DPH1: variants seen among roughly 807,000 people sequenced by gnomAD.
The protein encoded by DPH1 is 2-(3-amino-3-carboxypropyl)histidine synthase subunit 1.
DPH1 carries 59 observed loss-of-function variants against 55.3 expected under a neutral mutation model. The ratio of observed to expected loss-of-function variants is 1.07; its 90% CI spans 0.87 to 1.33. The LOEUF (loss-of-function observed/expected upper bound fraction) is 1.33. Ranked by LOEUF, DPH1 falls within the 40% of genes most tolerant of loss-of-function variation. The probability of loss-of-function intolerance (pLI) is 0.00; values close to 1 mark genes in which losing one functional copy is unlikely to be tolerated. For synonymous variants in DPH1, 238 were observed against 235.5 expected, an observed-to-expected ratio of 1.01 and a Z score of -0.10; for missense variants, 628 against 584.8, an observed-to-expected ratio of 1.07 and a Z score of -0.76.
chr17:2,033,614 C>T lies in DPH1; in HGVS notation c.171C>T (p.Ile57=). ...RVLPSNYNFE[I]PKTIWRIQQA... ...TGCCTTCCAACTACAACTTTGAGATCCCCAAGACCATCTGGAGGATCCAAC... is the reference window on the plus strand; with the variant it reads ...TGCCTTCCAACTACAACTTTGAGATTCCCAAGACCATCTGGAGGATCCAAC... Residue 57 remains isoleucine (I), a synonymous_variant, in exon 2 of 13, where the codon ATC becomes ATT. Coordinates refer to ENST00000263083, the MANE Select transcript of DPH1 (RefSeq NM_001383.6). 2 of 1,614,224 alleles carry T rather than the reference C, an allele frequency of 1.2e-6. No individual in the cohort carries two copies. The highest frequency in any genetic ancestry group is 1.7e-6 in the Non-Finnish European group (2 of 1,180,040).
At position 2,040,488 on chromosome 17, in the gene DPH1, C is replaced by T. The variant is rs2067500095; in HGVS notation, c.907-17C>T. The T allele has an allele frequency of 6.2e-7, 1 of 1,614,016 alleles. No individual in the cohort carries two copies. Among genetic ancestry groups the T allele is most frequent in the Non-Finnish European group, 8.5e-7 (1 of 1,180,020 alleles). On this transcript the variant is annotated splice_polypyrimidine_tract_variant and intron_variant, in intron 8 of 12. Transcript: ENST00000263083. ...GCTTGACCAGGTGACCCCCACCCTG[C>T]CTCCCTCTCCCAACAGCACCTGGAA... is the stretch of plus-strand genomic sequence containing the variant.
At chr17:2,041,253 G>C in intron 10 of DPH1, 72 bp downstream of exon 10, 1 of 1,536,944 alleles carries the variant, frequency 6.5e-7, no homozygotes, top group Non-Finnish European at 8.8e-7. Flanking sequence ...GTGGAGTGGG[G>C]TGGGTGGGCA....
chr17:2,034,264 G>A (rs575687482), intron 3 of DPH1, among the ~76,000 whole-genome samples: 1 of 152,138 alleles, frequency 6.6e-6, no homozygotes, highest in East Asian at 1.9e-4. Flanking sequence ...GCAAGGATGG[G>A]TTTGGAGTGG....
intron 12 of DPH1, 135 bp from the exon 13 acceptor site, chr17:2,042,456 ACTCATTTCCCCCCT>A (rs893225461): frequency 9.6e-5 from 120 of 1,253,024 alleles, no homozygotes; most frequent in African/African-American, 4.8e-4. Flanking sequence ...AGGCCAATCC[ACTCATTTCCCCCCT>A]CTCATTTCCC....
In DPH1 at chr17:2,043,265, G is replaced by A. The variant is rs574513159; in HGVS notation, c.*679G>A. On this transcript the variant is annotated 3_prime_UTR_variant, in exon 13 of 13. Coordinates refer to ENST00000263083, the MANE Select transcript of DPH1 (RefSeq NM_001383.6). ...TTGAGACCCAAATTATAAGGGCCCT[G>A]CCCTGTACTGAAGAAAAGGGGAGCA... 1.1e-4 allele frequency: 92 copies of A among 839,076 alleles called. No homozygotes were observed. The highest frequency in any genetic ancestry group is 1.5e-4 in the Non-Finnish European group (82 of 551,032). The allele number at this position is 839,076 out of a possible 1,614,324, so 52.0% of individuals were successfully genotyped here.
chr17:2,036,392 A>T lies in DPH1; in HGVS notation c.401-137A>T, dbSNP rs1567544691. 15 of 1,151,770 alleles carry T rather than the reference A, an allele frequency of 1.3e-5. No individual in the cohort carries two copies. Among genetic ancestry groups the T allele is most frequent in the Non-Finnish European group, 1.6e-5 (13 of 808,936 alleles). The allele number at this position is 1,151,770 out of a possible 1,614,324, so 71.3% of individuals were successfully genotyped here. ...AGAAGGAGCTTCTAGGGGATCTGTG[A>T]CCCCCCTCTTCTCCTACCCTGTCCT... is the stretch of plus-strand genomic sequence containing the variant. On this transcript the variant is annotated intron_variant, in intron 4 of 12. Transcript: ENST00000263083. This position sits in a 1 kb window ranked among gnomAD's most constrained non-coding sequence, Gnocchi z 4.8.
chr17:2,036,921 A>T lies in DPH1; in HGVS notation c.645A>T (p.Thr215=). 6.2e-7 allele frequency: 1 copy of T among 1,613,874 alleles called. No individual in the cohort carries two copies. Among genetic ancestry groups the T allele is most frequent in the Non-Finnish European group, 8.5e-7 (1 of 1,179,976 alleles). ...CCCCTGGAGAGATCCTGGGCTGCAC[A>T]TCCCCCCGACTGTCCAAAGAGGTGG... The part of the protein sequence containing the change: ...PLSPGEILGC[T]SPRLSKEVEA... The change falls in exon 6 of 13, where the codon ACA becomes ACT. Residue 215 remains threonine, a synonymous_variant. Coordinates refer to ENST00000263083, the MANE Select transcript of DPH1 (RefSeq NM_001383.6). This position sits in a 1 kb window ranked among gnomAD's most constrained non-coding sequence, Gnocchi z 4.8.
At position 2,041,869 on chromosome 17, in the gene DPH1, G is replaced by C. The variant is rs373755417; in HGVS notation, c.*12G>C. ...CGCTGGCTCCTTGACGCGCTCCCGG[G>C]CCTCAGGTATCAGCCCCCGCTCTGG... On this transcript the variant is annotated 3_prime_UTR_variant, in exon 12 of 13. Transcript: ENST00000263083. 76 of 1,582,342 alleles carry C rather than the reference G, an allele frequency of 4.8e-5. 2 individuals carry two copies. The African/African-American group carries it at 7.5e-4, about 16-fold the overall frequency.
chr17:2,041,594 C>G lies in DPH1; in HGVS notation c.1200C>G (p.His400Gln), dbSNP rs1260709072. ...ACCACGGCCAGGACCGCCGTCCCCA[C>G]GCCCCGGGCCGGCCCGCGCGGGGGA... is the stretch of plus-strand genomic sequence containing the variant. ...TVNHGQDRRPHAPGRPARGKV... is the reference protein window; with the variant it reads ...TVNHGQDRRPQAPGRPARGKV... Residue 400 changes from histidine to glutamine, a missense_variant, in exon 11 of 13, where the codon CAC becomes CAG. By Grantham distance (24) the His-to-Gln change is conservative. Coordinates refer to ENST00000263083, the MANE Select transcript of DPH1 (RefSeq NM_001383.6). 2 of 1,608,222 alleles carry G rather than the reference C, an allele frequency of 1.2e-6. No homozygotes were observed. The highest frequency in any genetic ancestry group is 2.2e-5 in the South Asian group (2 of 90,782).
In DPH1 at chr17:2,033,520, G is replaced by C. The variant is rs1384620464; in HGVS notation, c.77G>C (p.Gly26Ala). 6.2e-7 allele frequency: 1 copy of C among 1,613,994 alleles called. No homozygotes were observed. Among genetic ancestry groups the C allele is most frequent in the Non-Finnish European group, 8.5e-7 (1 of 1,180,054 alleles). ...DGPGRGRAPR[G>A]RVANQIPPEI... is the part of the protein sequence containing the mutation. ...TCCATTCTAGGTCGGGCCCCTCGGG[G>C]CCGCGTGGCCAATCAGATCCCCCCT... is the stretch of plus-strand genomic sequence containing the variant. The change falls in exon 2 of 13, where the codon GGC (glycine) becomes GCC (alanine). Residue 26 changes from glycine (G) to alanine (A), a missense_variant. Transcript: ENST00000263083.
chr17:2,042,216 G>C lies in DPH1; in HGVS notation c.*18+341G>C. The C allele has an allele frequency of 2.8e-6, 4 of 1,428,986 alleles. No homozygotes were observed. The highest frequency in any genetic ancestry group is 2.7e-6 in the Non-Finnish European group (3 of 1,099,040). The allele number at this position is 1,428,986 out of a possible 1,614,324, so 88.5% of individuals were successfully genotyped here. On this transcript the variant is annotated intron_variant, in intron 12 of 12. Coordinates refer to ENST00000263083, the MANE Select transcript of DPH1 (RefSeq NM_001383.6). ...CCCCGACCCCCCGGGCCCCGAGGGCGCCAGATCAGACTTCGGTGAGACAAG... is the reference window on the plus strand; with the variant it reads ...CCCCGACCCCCCGGGCCCCGAGGGCCCCAGATCAGACTTCGGTGAGACAAG...
In DPH1 at chr17:2,030,154, C is replaced by G; in HGVS notation, c.-16C>G. 3 of 1,600,960 alleles carry G rather than the reference C, an allele frequency of 1.9e-6. No homozygotes were observed. Among genetic ancestry groups the G allele is most frequent in the Non-Finnish European group, 2.6e-6 (3 of 1,174,784 alleles). On this transcript the variant is annotated 5_prime_UTR_variant, in exon 1 of 13. Transcript: ENST00000263083. ...TTCCAGCGCTGTCTTTTTAGTACCACATGCGCAGGCAGGTGATGGCGGCGC... is the reference window on the plus strand; with the variant it reads ...TTCCAGCGCTGTCTTTTTAGTACCAGATGCGCAGGCAGGTGATGGCGGCGC...
chr17:2,032,192 T>A (rs1272659891), intron 1 of DPH1, among the ~76,000 whole-genome samples: 1 of 152,154 alleles, frequency 6.6e-6, no homozygotes, highest in Admixed American at 6.5e-5. Flanking sequence ...AGCTCAAAAC[T>A]TCAAGGTGTC....
At position 2,042,114 on chromosome 17, in the gene DPH1, C is replaced by T. The variant is rs1181039559; in HGVS notation, c.*18+239C>T. The T allele has an allele frequency of 3.2e-6, 5 of 1,566,270 alleles. No homozygotes were observed. The South Asian group carries it at 4.6e-5, about 14-fold the overall frequency. ...CTTCCGGCAGAGCGAGCGGGGCTTC[C>T]GTGAGAAGACCGGGGCGCTGAGGAA... is the stretch of plus-strand genomic sequence containing the variant. On this transcript the variant is annotated intron_variant, in intron 12 of 12. Coordinates refer to ENST00000263083, the MANE Select transcript of DPH1 (RefSeq NM_001383.6).
rs2067575236 is a variant in DPH1 at position 2,043,057 on chromosome 17, C to T, written c.*471C>T. 2 of 1,614,002 alleles carry T rather than the reference C, an allele frequency of 1.2e-6. No homozygotes were observed. The highest frequency in any genetic ancestry group is 2.2e-5 in the South Asian group (2 of 91,084). On this transcript the variant is annotated 3_prime_UTR_variant, in exon 13 of 13. Coordinates refer to ENST00000263083, the MANE Select transcript of DPH1 (RefSeq NM_001383.6). ...TGGCCACTTCATTCCAGCAGCTGCA[C>T]CCCAGCGTCAGGCCTACCTCAAGTT...
In DPH1 at chr17:2,043,389, C is replaced by G; in HGVS notation, c.*803C>G. ...GACATGGGGAAGGCAGAGGCTGGCA[C>G]CATGGTGACTGCCACATAATAAAGT... is the stretch of plus-strand genomic sequence containing the variant. On this transcript the variant is annotated 3_prime_UTR_variant, in exon 13 of 13. Coordinates refer to ENST00000263083, the MANE Select transcript of DPH1 (RefSeq NM_001383.6). 3 of 384,276 alleles carry G rather than the reference C, an allele frequency of 7.8e-6. No homozygotes were observed. Among genetic ancestry groups the G allele is most frequent in the Non-Finnish European group, 1.4e-5 (3 of 213,546 alleles). 23.8% of individuals were successfully genotyped at this position (384,276 alleles called of 1,614,324 possible).
intron 3 of DPH1, among the ~76,000 whole-genome samples, chr17:2,034,195 G>A (rs1699786379): frequency 6.6e-6 from 1 of 151,948 alleles, no homozygotes; most frequent in Non-Finnish European, 1.5e-5. Flanking sequence ...TCAGTGGGAG[G>A]TCTGCCGGTC....
intron 10 of DPH1, 89 bp downstream of exon 10, chr17:2,041,270 C>G (rs1260892001): frequency 2.2e-5 from 33 of 1,501,878 alleles, no homozygotes; most frequent in African/African-American, 6.9e-5. Context: ...GGCAGCACTT[C>G]GTTATGTTCG....
rs775513728 is a variant in DPH1, at chr17:2,030,182, G to T, written c.13G>T (p.Val5Phe). Residue 5 changes from valine to phenylalanine, a missense_variant, in exon 1 of 13, where the codon GTC becomes TTC. Physicochemically the swap from Val to Phe is conservative, Grantham distance 50. Transcript: ENST00000263083. ...GCGCAGGCAGGTGATGGCGGCGCTG[G>T]TCGTATCCGGGGCAGCGGAGCAGGG... MAAL[V>F]VSGAAEQGGR... 17 of 1,603,014 alleles carry T rather than the reference G, an allele frequency of 1.1e-5. No individual in the cohort carries two copies. Among genetic ancestry groups the T allele is most frequent in the Non-Finnish European group, 1.1e-5 (13 of 1,175,964 alleles).
Sources: gnomAD v4.1 joint callset for allele counts (sites outside exome capture counted in the v4.1 genomes callset) on GRCh38, gnomAD v4.1.1 for gene constraint, Gnocchi (gnomAD v3.1) non-coding constraint, MANE v1.5 for transcripts, NCBI Gene and HGNC (gene_info 2026-07-23, HGNC 2026-07-21) for gene names.